Variants in KIF23 observed in about 807,000 individuals in gnomAD.
The protein encoded by KIF23 is kinesin family member 23.
KIF23 carries 30 observed loss-of-function variants against 137.5 expected under a neutral mutation model. That is an observed-to-expected ratio of 0.22 (90% CI 0.16 to 0.30). The LOEUF is 0.30. Among genes scored for constraint, KIF23 ranks in the 10% least tolerant of loss-of-function variants. The pLI is 1.00. For missense variants in KIF23, 920 were observed against 1,194.3 expected (o/e 0.77, Z 3.38); for synonymous variants, 367 against 391.1 (o/e 0.94, Z 0.73).
At position 69,447,898 on chromosome 15, in the gene KIF23, A is replaced by G. The variant is rs987198871; in HGVS notation, c.*91A>G. ...GAAGCAGTCTTCCAGGTCATCTTGT[A>G]GAACTCCAGCTTTGTTGAAAATCAC... On this transcript the variant is annotated 3_prime_UTR_variant, in exon 24 of 24. Coordinates refer to ENST00000679126, the MANE Select transcript of KIF23 (RefSeq NM_001367805.3). 2 of 1,352,962 alleles carry G rather than the reference A, an allele frequency of 1.5e-6. No individual in the cohort carries two copies. Among genetic ancestry groups the G allele is most frequent in the African/African-American group, 2.9e-5 (2 of 69,924 alleles). The allele number at this position is 1,352,962 out of a possible 1,614,324, so 83.8% of individuals were successfully genotyped here.
At chr15:69,420,961 A>T (rs2057037557) in intron 3 of KIF23, among the ~76,000 whole-genome samples, 1 of 152,242 alleles carries the variant, frequency 6.6e-6, no homozygotes, top group Admixed American at 6.5e-5. Flanking sequence ...ACTAGGAAAC[A>T]GTAAAGTTGT....
chr15:69,432,251 G>A (rs2057371516), intron 11 of KIF23, among the ~76,000 whole-genome samples: 1 of 152,174 alleles, frequency 6.6e-6, no homozygotes, highest in African/African-American at 2.4e-5. Context: ...GGGGCATATG[G>A]CAGAGGCTCC....
chr15:69,426,500 C>G (rs377471896), intron 10 of KIF23, 43 bp downstream of exon 10: 8 of 1,593,892 alleles, frequency 5.0e-6, no homozygotes, highest in Middle Eastern at 1.7e-4. Context: ...CTAACTCTAT[C>G]CTTAATTTTT....
intron 3 of KIF23, among the ~76,000 whole-genome samples, chr15:69,417,792 C>T (rs868709566): frequency 5.3e-5 from 8 of 152,156 alleles, no homozygotes; most frequent in African/African-American, 1.7e-4. Flanking sequence ...TGGAATGATA[C>T]ATGATTGTGC....
chr15:69,434,976 G>A (rs559141256), intron 11 of KIF23: 10 of 631,542 alleles, frequency 1.6e-5, no homozygotes, highest in African/African-American at 3.6e-5. Context: ...TGTGTAGGCC[G>A]TGGACAGCTT....
chr15:69,440,965 A>G lies in KIF23; in HGVS notation c.2307A>G (p.Gln769=), dbSNP rs772334858. The G allele has an allele frequency of 8.1e-6, 13 of 1,614,108 alleles. No individual in the cohort carries two copies. The Admixed American group carries it at 1.0e-4, about 12-fold the overall frequency. The change falls in exon 19 of 24, where the codon CAA becomes CAG. Residue 769 remains glutamine, a synonymous_variant. Transcript: ENST00000679126. ...GGCGTAGGCAGCAGGAGCCAGGACA[A>G]AGCAAAACTTGTATCGTGTCAGACA... is the stretch of plus-strand genomic sequence containing the variant. ...IARRRQQEPG[Q]SKTCIVSDRR... is the part of the protein sequence containing the mutation.
At position 69,435,582 on chromosome 15, in the gene KIF23, G is replaced by C. The variant is rs1187124682; in HGVS notation, c.1194+20G>C. 1 of 1,613,552 alleles carries C rather than the reference G, an allele frequency of 6.2e-7. No homozygotes were observed. Among genetic ancestry groups the C allele is most frequent in the South Asian group, 1.1e-5 (1 of 90,924 alleles). Reference sequence around the variant, plus strand: ...AACAAGGTAAGCAGCAGCCTTCTCTGTTCTTTTGTATAGTTTCATTTGTGT... The same window carrying C: ...AACAAGGTAAGCAGCAGCCTTCTCTCTTCTTTTGTATAGTTTCATTTGTGT... On this transcript the variant is annotated intron_variant, in intron 12 of 23. Transcript: ENST00000679126.
chr15:69,438,486 G>A (rs2057535616), intron 16 of KIF23, 81 bp downstream of exon 16: 11 of 1,287,590 alleles, frequency 8.5e-6, no homozygotes, highest in Non-Finnish European at 1.2e-5. Flanking sequence ...TGCTCCAACG[G>A]CCTGTAAATG....
rs373253717 is a variant in KIF23, at chr15:69,445,048, A to C, written c.2673+7A>C. 6.3e-7 allele frequency: 1 copy of C among 1,594,164 alleles called. No individual in the cohort carries two copies. The highest frequency in any genetic ancestry group is 8.5e-7 in the Non-Finnish European group (1 of 1,170,372). On this transcript the variant is annotated splice_region_variant and intron_variant, in intron 20 of 23. Coordinates refer to ENST00000679126, the MANE Select transcript of KIF23 (RefSeq NM_001367805.3). The stretch of plus-strand genomic sequence containing the variant: ...TGAAACTAAACTAATTAAGGTAAAA[A>C]ACTAATTTTCACAGGAGAAAAAAAT...
At chr15:69,435,083 C>G (rs2057445467) in intron 11 of KIF23, 1 of 495,418 alleles carries the variant, frequency 2.0e-6, no homozygotes, top group East Asian at 3.0e-5. Context: ...CCCCCACCCC[C>G]AGAAGCGGGA....
intron 14 of KIF23, 75 bp downstream of exon 14, chr15:69,436,336 A>G (rs1052705272): frequency 2.0e-6 from 3 of 1,507,240 alleles, no homozygotes; most frequent in Non-Finnish European, 2.7e-6. Context: ...AAATTATTTC[A>G]TTTAAGAGAA....
At chr15:69,440,508 T>C (rs1282063471) in intron 18 of KIF23, 21 bp downstream of exon 18, 18 of 1,585,022 alleles carry the variant, frequency 1.1e-5, no homozygotes, top group Middle Eastern at 1.7e-4. Context: ...TGTAATTGTG[T>C]AGTAACTTTG....
chr15:69,444,827 G>A lies in KIF23; in HGVS notation c.2459G>A (p.Arg820His), dbSNP rs763116733. The part of the protein sequence containing the change: ...FQPDQNAPPI[R>H]LRHRRSRSAG... ...CCTGATCAGAACGCACCACCAATTC[G>A]TCTCCGACACAGACGATCACGCTCT... Residue 820 changes from arginine to histidine, a missense_variant, in exon 20 of 24, where the codon CGT becomes CAT. Physicochemically the swap from Arg to His is conservative, Grantham distance 29. Transcript: ENST00000679126. This position sits in a 1 kb window ranked among gnomAD's most constrained non-coding sequence, Gnocchi z 4.2. 33 of 1,613,970 alleles carry A rather than the reference G, an allele frequency of 2.0e-5. No homozygotes were observed. Among genetic ancestry groups the A allele is most frequent in the Admixed American group, 1.2e-4 (7 of 59,996 alleles).
intron 20 of KIF23, 34 bp downstream of exon 20, chr15:69,445,075 T>G: frequency 6.4e-7 from 1 of 1,571,174 alleles, no homozygotes. Flanking sequence ...GAAAAAAATA[T>G]ATTTAAAAAT....
At chr15:69,432,274 G>C (rs1327543224) in intron 11 of KIF23, among the ~76,000 whole-genome samples, 2 of 152,204 alleles carry the variant, frequency 1.3e-5, no homozygotes, top group African/African-American at 4.8e-5. Context: ...GTTTTTAGAA[G>C]TGGTACACTT....
In KIF23 at chr15:69,436,695, A is replaced by G; in HGVS notation, c.1570A>G (p.Met524Val). ...ALEKRHNLRQ[M>V]MIDEFNKQSN... ...AGAGAAACGACATAACTTACGACAA[A>G]TGATGATTGATGAGTTTAACAAACA... The change falls in exon 15 of 24, where the codon ATG becomes GTG. Residue 524 changes from methionine to valine, a missense_variant. By Grantham distance (21) the Met-to-Val change is conservative. Coordinates refer to ENST00000679126, the MANE Select transcript of KIF23 (RefSeq NM_001367805.3). 6.3e-7 allele frequency: 1 copy of G among 1,591,152 alleles called. No individual in the cohort carries two copies. The highest frequency in any genetic ancestry group is 8.6e-7 in the Non-Finnish European group (1 of 1,166,580).
At chr15:69,419,598 C>T (rs2057002727) in intron 3 of KIF23, among the ~76,000 whole-genome samples, 1 of 152,234 alleles carries the variant, frequency 6.6e-6, no homozygotes, top group South Asian at 2.1e-4. Flanking sequence ...CAGCACCCCA[C>T]AACCCCTCTC....
At chr15:69,442,429 TTAGA>T (rs2057643630) in intron 19 of KIF23, among the ~76,000 whole-genome samples, 1 of 152,258 alleles carries the variant, frequency 6.6e-6, no homozygotes, top group Non-Finnish European at 1.5e-5. Context: ...CAAAGCTCTC[TTAGA>T]ATATTTCTTC....
chr15:69,425,902 G>A (rs1296952394), intron 8 of KIF23, 168 bp from the exon 9 acceptor site: 1 of 186,504 alleles, frequency 5.4e-6, no homozygotes, highest in African/African-American at 2.4e-5. Context: ...TCTTATCTAA[G>A]TTTAATATTT....
Sources: gnomAD v4.1 joint callset for allele counts (sites outside exome capture counted in the v4.1 genomes callset) on GRCh38, gnomAD v4.1.1 for gene constraint, Gnocchi (gnomAD v3.1) non-coding constraint, MANE v1.5 for transcripts, NCBI Gene and HGNC (gene_info 2026-07-23, HGNC 2026-07-21) for gene names.